The following STXBP6 variants were observed in gnomAD, a reference collection of about 807,000 sequenced individuals.
STXBP6 encodes syntaxin binding protein 6, also known as syntaxin-binding protein 6.
Under a neutral mutation model 26.9 loss-of-function variants are expected in STXBP6, and 21 were observed. That is an observed-to-expected ratio of 0.78 (90% CI 0.55 to 1.12). The LOEUF is 1.12. Among genes scored for constraint, STXBP6 ranks in the 50% most tolerant of loss-of-function variants. The pLI, the probability that STXBP6 is intolerant of heterozygous loss-of-function variation, is 0.00. For missense variants in STXBP6, 232 were observed against 257.9 expected (o/e 0.90, Z 0.69); for synonymous variants, 97 against 92.6 (o/e 1.05, Z -0.27).
At chr14:24,904,142 G>A (rs895417878) in intron 2 of STXBP6, among the ~76,000 whole-genome samples, 6 of 152,104 alleles carry the variant, frequency 3.9e-5, no homozygotes, top group South Asian at 2.1e-4. Flanking sequence ...CTTGTCACTC[G>A]CTCATATGAG....
At chr14:24,881,415 A>C (rs772898244) in intron 2 of STXBP6, among the ~76,000 whole-genome samples, 3 of 152,244 alleles carry the variant, frequency 2.0e-5, no homozygotes, top group Non-Finnish European at 4.4e-5. Flanking sequence ...TTGAGACTCC[A>C]TTCAAAATAC....
At chr14:24,954,505 C>A (rs2073275121) in intron 2 of STXBP6, among the ~76,000 whole-genome samples, 2 of 152,166 alleles carry the variant, frequency 1.3e-5, no homozygotes, top group Non-Finnish European at 2.9e-5. Flanking sequence ...TTTACTATGT[C>A]TACAGGCTCA....
At chr14:25,016,220 A>T (rs1223082182) in intron 1 of STXBP6, among the ~76,000 whole-genome samples, 1 of 152,178 alleles carries the variant, frequency 6.6e-6, no homozygotes, top group African/African-American at 2.4e-5. Context: ...ACCCAAGGAA[A>T]AAAAGATTTT....
chr14:24,990,295 T>C (rs1440962977), intron 1 of STXBP6, among the ~76,000 whole-genome samples: 1 of 151,958 alleles, frequency 6.6e-6, no homozygotes, highest in East Asian at 1.9e-4. Flanking sequence ...CCAAGCTGAG[T>C]AGGATGGGGA....
At chr14:24,890,759 A>C (rs1406783723) in intron 2 of STXBP6, among the ~76,000 whole-genome samples, 3 of 152,252 alleles carry the variant, frequency 2.0e-5, no homozygotes, top group African/African-American at 7.2e-5. Context: ...AAATTGAAAC[A>C]GTATTAAACA....
chr14:24,872,174 T>C (rs1161039657), intron 2 of STXBP6, among the ~76,000 whole-genome samples: 2 of 152,196 alleles, frequency 1.3e-5, no homozygotes, highest in Non-Finnish European at 2.9e-5. Flanking sequence ...AATCGGCAGA[T>C]TCCTAGACAC....
chr14:25,033,728 C>G (rs548012050), intron 1 of STXBP6, among the ~76,000 whole-genome samples: 3 of 152,304 alleles, frequency 2.0e-5, no homozygotes, highest in East Asian at 3.9e-4. Flanking sequence ...CATGTACCCC[C>G]CTGGAGCACT....
intron 4 of STXBP6, among the ~76,000 whole-genome samples, chr14:24,851,215 A>G (rs1404382744): frequency 6.8e-6 from 1 of 148,084 alleles, no homozygotes; most frequent in Admixed American, 6.8e-5. Context: ...TATACTGACA[A>G]TCTATTTGAG....
intron 3 of STXBP6, among the ~76,000 whole-genome samples, chr14:24,856,714 G>GTT (rs35192599): frequency 8.1e-5 from 12 of 147,390 alleles, no homozygotes; most frequent in South Asian, 2.2e-4. Flanking sequence ...TGGTAAACAT[G>GTT]TTTTTTTTTT....
At chr14:24,942,730 G>A (rs1218996224) in intron 2 of STXBP6, among the ~76,000 whole-genome samples, 1 of 152,218 alleles carries the variant, frequency 6.6e-6, no homozygotes, top group Admixed American at 6.5e-5. Flanking sequence ...CAAATGGCAG[G>A]TGTCTTCACA....
intron 1 of STXBP6, among the ~76,000 whole-genome samples, chr14:25,039,708 CTTTT>C (rs375717992): frequency 2.1e-5 from 3 of 140,070 alleles, no homozygotes; most frequent in East Asian, 4.1e-4. Context: ...AATCTGCATC[CTTTT>C]TTTTTTTTTT....
chr14:25,025,813 T>C (rs1213477505), intron 1 of STXBP6, among the ~76,000 whole-genome samples: 1 of 152,142 alleles, frequency 6.6e-6, no homozygotes, highest in Non-Finnish European at 1.5e-5. Flanking sequence ...GTCAGAGGAT[T>C]CTTTCTAAAC....
intron 4 of STXBP6, among the ~76,000 whole-genome samples, chr14:24,849,456 C>T (rs2069073350): frequency 6.6e-6 from 1 of 152,068 alleles, no homozygotes; most frequent in African/African-American, 2.4e-5. Flanking sequence ...AAGACTTGTG[C>T]TTATTAAGGG....
intron 2 of STXBP6, among the ~76,000 whole-genome samples, chr14:24,868,682 G>T (rs758162917): frequency 1.3e-5 from 2 of 152,184 alleles, no homozygotes; most frequent in Non-Finnish European, 2.9e-5. Flanking sequence ...ACTGCTGCAG[G>T]TCAAAGAGGT....
At chr14:24,880,373 G>C (rs2070313649) in intron 2 of STXBP6, among the ~76,000 whole-genome samples, 1 of 152,204 alleles carries the variant, frequency 6.6e-6, no homozygotes, top group African/African-American at 2.4e-5. Context: ...CAACCTCTTG[G>C]GGGTACATTA....
rs373068735 is a variant in STXBP6 at position 24,810,865 on chromosome 14, C to CTCTGTGTGTGTGTGTGTGTGTG, written c.*1843_*1844insCACACACACACACACACACAGA. On this transcript the variant is annotated 3_prime_UTR_variant, in exon 6 of 6. Transcript: ENST00000323944. ...CCAATTTGGAAAGATAAATACATCT[C>CTCTGTGTGTGTGTGTGTGTGTG]TGTGTGTGTGTGTGTGTGTGTGTGT... 9 of 137,670 alleles carry CTCTGTGTGTGTGTGTGTGTGTG rather than the reference C, an allele frequency of 6.5e-5. No homozygotes were observed. In the East Asian group the frequency reaches 1.7e-3, roughly 27 times the overall value. 8.5% of individuals were successfully genotyped at this position (137,670 alleles called of 1,614,324 possible).
chr14:24,984,130 G>A (rs977345035), intron 1 of STXBP6, among the ~76,000 whole-genome samples: 1 of 152,170 alleles, frequency 6.6e-6, no homozygotes. Context: ...TACTTGGGGG[G>A]CTGAGGCAGG....
intron 1 of STXBP6, among the ~76,000 whole-genome samples, chr14:24,977,423 AAG>A (rs1491571447): frequency 7.9e-5 from 12 of 150,980 alleles, no homozygotes; most frequent in Non-Finnish European, 7.4e-5. Flanking sequence ...GACCAAGAAC[AAG>A]AGAGAGAGAG....
At chr14:25,011,667 T>TA (rs1326546106) in intron 1 of STXBP6, among the ~76,000 whole-genome samples, 1 of 152,180 alleles carries the variant, frequency 6.6e-6, no homozygotes, top group African/African-American at 2.4e-5. Flanking sequence ...TGTTCAGTGA[T>TA]AAAAATAAAT....
Sources: gnomAD v4.1 joint callset for allele counts (sites outside exome capture counted in the v4.1 genomes callset) on GRCh38, gnomAD v4.1.1 for gene constraint, MANE v1.5 for transcripts, NCBI Gene and HGNC (gene_info 2026-07-23, HGNC 2026-07-21) for gene names.